Variants in SLIT3 observed in about 807,000 individuals in gnomAD.
The protein encoded by SLIT3 is slit guidance ligand 3, also known as slit homolog 3 protein.
In SLIT3, 68 loss-of-function variants were observed where a neutral mutation model predicts 184.0. The observed-to-expected ratio is 0.37, with a 90% CI of 0.30 to 0.45. SLIT3 has a LOEUF of 0.45. SLIT3 is among the 20% of genes least tolerant of loss of function. The pLI is 1.00. For synonymous variants in SLIT3, 831 were observed against 828.6 expected (o/e 1.00, Z -0.05); for missense variants, 1,707 against 2,026.0 (o/e 0.84, Z 3.02).
In SLIT3 at chr5:168,669,959, G is replaced by A; in HGVS notation, c.4160C>T (p.Thr1387Ile). Residue 1387 changes from threonine (T) to isoleucine (I), a missense_variant, in exon 35 of 36, where the codon ACC becomes ATC. By Grantham distance (89) the Thr-to-Ile change is moderately conservative. This residue lies in a region of SLIT3 where 387 missense variants were observed against 477.9 expected (regional missense o/e 0.81). Coordinates refer to ENST00000519560, the MANE Select transcript of SLIT3 (RefSeq NM_003062.4). ...CHHGKCVATG[T>I]SYMCKCAEGY... ...CTCGGCACACTTGCACATGTATGAG[G>A]TCCCAGTTGCCACACATTTTCCATG... 1 of 1,614,158 alleles carries A rather than the reference G, an allele frequency of 6.2e-7. No homozygotes were observed. Among genetic ancestry groups the A allele is most frequent in the Non-Finnish European group, 8.5e-7 (1 of 1,180,024 alleles).
intron 3 of SLIT3, among the ~76,000 whole-genome samples, chr5:169,217,943 G>T (rs543985230): frequency 1.4e-3 from 216 of 152,330 alleles, no homozygotes; most frequent in African/African-American, 5.0e-3. Flanking sequence ...AATGGGTGAG[G>T]TTGCACAGAA....
chr5:169,265,267 G>C (rs1345160561), intron 1 of SLIT3, among the ~76,000 whole-genome samples: 1 of 152,218 alleles, frequency 6.6e-6, no homozygotes, highest in African/African-American at 2.4e-5. Flanking sequence ...CTGCAGACCT[G>C]CGTAGTCTGG....
chr5:169,241,271 T>A (rs1283877973), intron 3 of SLIT3, among the ~76,000 whole-genome samples: 1 of 152,180 alleles, frequency 6.6e-6, no homozygotes, highest in African/African-American at 2.4e-5. Context: ...TACTTTGAGT[T>A]TCATGTTTTA....
chr5:169,256,529 G>A (rs10062872), intron 1 of SLIT3, among the ~76,000 whole-genome samples: 60 of 152,340 alleles, frequency 3.9e-4, no homozygotes, highest in African/African-American at 1.4e-3. Context: ...TTCTCAGAAT[G>A]TATCCCTGTC....
At chr5:169,087,279 G>A (rs917149947) in intron 4 of SLIT3, among the ~76,000 whole-genome samples, 1 of 152,206 alleles carries the variant, frequency 6.6e-6, no homozygotes, top group Non-Finnish European at 1.5e-5. Context: ...AGGGGTAGAG[G>A]ACAGAAGTGT....
intron 7 of SLIT3, among the ~76,000 whole-genome samples, 180 bp from the exon 8 acceptor site, chr5:168,817,643 G>T (rs941797645): frequency 1.3e-5 from 2 of 152,210 alleles, no homozygotes; most frequent in Non-Finnish European, 2.9e-5. Flanking sequence ...CCCTTTCATT[G>T]CCAGGTCACA....
At chr5:168,778,906 C>G (rs1755864625) in intron 12 of SLIT3, among the ~76,000 whole-genome samples, 1 of 152,122 alleles carries the variant, frequency 6.6e-6, no homozygotes, top group Admixed American at 6.5e-5. Flanking sequence ...TCGGTATTTC[C>G]CCAGATGCAG....
chr5:168,738,482 G>C, intron 20 of SLIT3, among the ~76,000 whole-genome samples: 1 of 152,190 alleles, frequency 6.6e-6, no homozygotes, highest in Non-Finnish European at 1.5e-5. Context: ...CTAGAGAAAA[G>C]TACCTGTGTA....
At chr5:169,005,884 A>C (rs1561602189) in intron 4 of SLIT3, among the ~76,000 whole-genome samples, 1 of 152,240 alleles carries the variant, frequency 6.6e-6, no homozygotes, top group African/African-American at 2.4e-5. Context: ...TTGGTGTTGC[A>C]AACAAACAGC....
At chr5:168,801,686 G>T (rs181250254) in intron 9 of SLIT3, among the ~76,000 whole-genome samples, 2 of 152,156 alleles carry the variant, frequency 1.3e-5, no homozygotes, top group Admixed American at 1.3e-4. Flanking sequence ...GGGTCTCTGG[G>T]GCTTCCCATA....
intron 1 of SLIT3, among the ~76,000 whole-genome samples, chr5:169,253,544 C>T (rs1019718284): frequency 2.0e-5 from 3 of 152,190 alleles, no homozygotes; most frequent in South Asian, 2.1e-4. Flanking sequence ...CTCTGAGGTG[C>T]GGTTTCTCCA....
intron 26 of SLIT3, chr5:168,706,905 T>G (rs1762388044): frequency 6.6e-6 from 1 of 152,266 alleles, no homozygotes; most frequent in Admixed American, 6.5e-5. Flanking sequence ...TCACTCTCAC[T>G]CCACCTGCAT....
chr5:169,161,022 G>C lies in SLIT3; in HGVS notation c.413+32457C>G, dbSNP rs144898854. On this transcript the variant is annotated intron_variant, in intron 4 of 35. Coordinates refer to ENST00000519560, the MANE Select transcript of SLIT3 (RefSeq NM_003062.4). ...CATGGCTTGGTCTTTCCTCTATGTT[G>C]TTCCTTGGAATGAAAAGCGGATTTT... 5.9e-5 allele frequency among the ~76,000 whole-genome samples: 9 copies of C among 152,310 alleles called. No homozygotes were observed. The East Asian group carries it at 1.7e-3, about 29-fold the overall frequency.
At chr5:169,247,766 A>G (rs1279880283) in intron 2 of SLIT3, among the ~76,000 whole-genome samples, 1 of 151,928 alleles carries the variant, frequency 6.6e-6, no homozygotes, top group Admixed American at 6.6e-5. Flanking sequence ...ACACCCACCT[A>G]ATTTTTTTTA....
intron 5 of SLIT3, among the ~76,000 whole-genome samples, chr5:168,848,649 C>T (rs1045287640): frequency 2.0e-5 from 3 of 152,064 alleles, no homozygotes; most frequent in Admixed American, 1.3e-4. Context: ...TACCAGAGTC[C>T]ATTTAGAGAG....
chr5:168,723,036 T>TTGTCTTA (rs1166134490), intron 21 of SLIT3, 32 bp from the exon 22 acceptor site: 1 of 1,540,760 alleles, frequency 6.5e-7, no homozygotes, highest in South Asian at 1.1e-5. Flanking sequence ...GGTCATGCTT[T>TTGTCTTA]TGTCTTAGTT....
At chr5:169,061,457 G>C (rs1009785435) in intron 4 of SLIT3, among the ~76,000 whole-genome samples, 2 of 152,202 alleles carry the variant, frequency 1.3e-5, no homozygotes, top group Admixed American at 1.3e-4. Context: ...CTTAGGCAGA[G>C]GCCCAATAGC....
In SLIT3 at chr5:168,666,213, A is replaced by G. The variant is rs1410049584; in HGVS notation, c.*241T>C. ...CAAAACTTGGTAAAAATAACTCACT[A>G]TATGGTACATATACGCAGATGGTGT... On this transcript the variant is annotated 3_prime_UTR_variant, in exon 36 of 36. Transcript: ENST00000519560. 3 of 361,848 alleles carry G rather than the reference A, an allele frequency of 8.3e-6. No individual in the cohort carries two copies. The highest frequency in any genetic ancestry group is 4.3e-5 in the East Asian group (1 of 23,210). The allele number at this position is 361,848 out of a possible 1,614,324, so 22.4% of individuals were successfully genotyped here.
chr5:169,035,330 G>A (rs1420429154), intron 4 of SLIT3, among the ~76,000 whole-genome samples: 2 of 151,890 alleles, frequency 1.3e-5, no homozygotes. Flanking sequence ...CTTTATGTCA[G>A]TATTCTTCCA....
Sources: allele counts gnomAD v4.1 joint callset (sites outside exome capture counted in the v4.1 genomes callset), GRCh38; gene constraint gnomAD v4.1.1; regional missense constraint gnomAD v4.1.1; transcripts MANE v1.5; gene names NCBI Gene and HGNC (gene_info 2026-07-23, HGNC 2026-07-21).